KAZN: variants seen among roughly 807,000 people sequenced by gnomAD.
The protein encoded by KAZN is kazrin, periplakin interacting protein, also known as kazrin.
Under a neutral mutation model 87.4 loss-of-function variants are expected in KAZN, and 40 were observed. The observed-to-expected ratio is 0.46, with a 90% CI of 0.36 to 0.60. KAZN has a LOEUF of 0.60. KAZN is among the 20% of genes least tolerant of loss of function. The probability of loss-of-function intolerance (pLI) is 0.00; values close to 1 mark genes in which losing one functional copy is unlikely to be tolerated. For synonymous variants in KAZN, 466 were observed against 458.3 expected (o/e 1.02, Z -0.22); for missense variants, 898 against 1,073.9 (o/e 0.84, Z 2.29).
chr1:13,968,114 T>C (rs1642009694), intron 1 of KAZN, among the ~76,000 whole-genome samples: 1 of 152,118 alleles, frequency 6.6e-6, no homozygotes, highest in African/African-American at 2.4e-5. Context: ...TTTTAAATGG[T>C]TCCCAGGTGG....
At chr1:14,975,798 G>A (rs1323064876) in intron 2 of KAZN, among the ~76,000 whole-genome samples, 4 of 152,220 alleles carry the variant, frequency 2.6e-5, no homozygotes, top group Non-Finnish European at 5.9e-5. Context: ...GCGGGAGGCC[G>A]AGATGGGCGG....
At chr1:13,928,919 G>A (rs1055134030) in intron 1 of KAZN, among the ~76,000 whole-genome samples, 4 of 151,368 alleles carry the variant, frequency 2.6e-5, no homozygotes, top group Admixed American at 6.6e-5. Context: ...TCTTTGTTGT[G>A]TGCTCAAACA....
At position 14,148,087 on chromosome 1, in the gene KAZN, G is replaced by A. The variant is rs1645392815; in HGVS notation, c.92-32348G>A. Among the ~76,000 whole-genome samples, 4 of 151,752 alleles carry A rather than the reference G, an allele frequency of 2.6e-5. No homozygotes were observed. In the South Asian group the frequency reaches 8.4e-4, roughly 32 times the overall value. ...AATTTAAAAATTAGCCGGGTGTGGTGGCGGGCACCTGTGGTCCCAGCAGAT... is the reference window on the plus strand; with the variant it reads ...AATTTAAAAATTAGCCGGGTGTGGTAGCGGGCACCTGTGGTCCCAGCAGAT... On this transcript the variant is annotated intron_variant, in intron 1 of 16. Coordinates refer to the KAZN transcript ENST00000636203.
intron 2 of KAZN, among the ~76,000 whole-genome samples, chr1:14,536,075 G>A (rs909261417): frequency 6.6e-6 from 1 of 152,200 alleles, no homozygotes; most frequent in Non-Finnish European, 1.5e-5. Flanking sequence ...GCTGTACAGG[G>A]CCTCTCCAGT....
chr1:13,998,522 G>A (rs1639628872), intron 1 of KAZN, among the ~76,000 whole-genome samples: 1 of 152,034 alleles, frequency 6.6e-6, no homozygotes, highest in Non-Finnish European at 1.5e-5. Flanking sequence ...ATAAAGGGAT[G>A]GAGGAATATT....
chr1:14,160,359 T>A (rs1319652741), intron 1 of KAZN, among the ~76,000 whole-genome samples: 2 of 152,114 alleles, frequency 1.3e-5, no homozygotes, highest in African/African-American at 4.8e-5. Flanking sequence ...CAGCACTGAG[T>A]TCAATGCCTC....
intron 1 of KAZN, among the ~76,000 whole-genome samples, chr1:13,939,845 A>T (rs375857384): frequency 6.6e-6 from 1 of 152,130 alleles, no homozygotes; most frequent in African/African-American, 2.4e-5. Flanking sequence ...GGCACAAAAC[A>T]TGATGAGAGT....
intron 2 of KAZN, among the ~76,000 whole-genome samples, chr1:14,479,055 G>A (rs1174603559): frequency 1.3e-5 from 2 of 152,206 alleles, no homozygotes; most frequent in Admixed American, 6.5e-5. Context: ...CCATCTGAAG[G>A]ATTAGAAACT....
At chr1:15,093,260 CTG>C (rs1048911476) in intron 8 of KAZN, among the ~76,000 whole-genome samples, 2 of 152,008 alleles carry the variant, frequency 1.3e-5, no homozygotes, top group African/African-American at 4.8e-5. Context: ...GCAAGCGGGT[CTG>C]TGTGTGTTTG....
At chr1:14,546,794 G>A (rs1035136654) in intron 2 of KAZN, among the ~76,000 whole-genome samples, 3 of 152,144 alleles carry the variant, frequency 2.0e-5, no homozygotes, top group Non-Finnish European at 2.9e-5. Context: ...ATCAGCTGTG[G>A]CAAATCAACT....
At chr1:14,218,651 A>G (rs1571047943) in intron 2 of KAZN, among the ~76,000 whole-genome samples, 1 of 148,994 alleles carries the variant, frequency 6.7e-6, no homozygotes, top group Non-Finnish European at 1.5e-5. Context: ...ATATGTTTAA[A>G]TTTATGAATT....
chr1:14,133,715 C>T (rs1417725561), intron 1 of KAZN, among the ~76,000 whole-genome samples: 3 of 152,090 alleles, frequency 2.0e-5, no homozygotes, highest in Non-Finnish European at 2.9e-5. Flanking sequence ...GACTTGTGAC[C>T]TTGTCTTGGC....
chr1:14,552,594 G>C (rs767396139), intron 2 of KAZN, among the ~76,000 whole-genome samples: 1 of 152,166 alleles, frequency 6.6e-6, no homozygotes, highest in Non-Finnish European at 1.5e-5. Flanking sequence ...AAGGAGAAGG[G>C]GTTCTCTCCT....
At chr1:13,921,272 G>T (rs916243874) in intron 1 of KAZN, among the ~76,000 whole-genome samples, 2 of 152,128 alleles carry the variant, frequency 1.3e-5, no homozygotes, top group African/African-American at 4.8e-5. Flanking sequence ...ATCAAATCTA[G>T]TGCAGAGGTC....
At chr1:14,750,372 A>C (rs1572390225) in intron 1 of KAZN, among the ~76,000 whole-genome samples, 1 of 152,048 alleles carries the variant, frequency 6.6e-6, no homozygotes, top group Non-Finnish European at 1.5e-5. Flanking sequence ...TGAATAGGTC[A>C]CCCCATCCTG....
intron 1 of KAZN, among the ~76,000 whole-genome samples, chr1:14,900,306 C>T (rs1655721627): frequency 6.6e-6 from 1 of 152,180 alleles, no homozygotes; most frequent in African/African-American, 2.4e-5. Context: ...TTTTCAGATG[C>T]TTGCCAAGAG....
chr1:14,767,092 C>T (rs996109302), intron 1 of KAZN, among the ~76,000 whole-genome samples: 1 of 152,094 alleles, frequency 6.6e-6, no homozygotes, highest in African/African-American at 2.4e-5. Context: ...CGAATGGGTA[C>T]GCTTTCTGTG....
chr1:15,078,755 C>T (rs184023105), intron 8 of KAZN, among the ~76,000 whole-genome samples: 7 of 152,276 alleles, frequency 4.6e-5, no homozygotes, highest in Non-Finnish European at 5.9e-5. Context: ...GCTGCCGCTA[C>T]GGGACCTCCA....
At chr1:14,825,636 A>G (rs1646862284) in intron 1 of KAZN, among the ~76,000 whole-genome samples, 1 of 152,150 alleles carries the variant, frequency 6.6e-6, no homozygotes, top group Non-Finnish European at 1.5e-5. Context: ...CCAAGGACAC[A>G]TATCTAGTAA....
Sources: allele counts gnomAD v4.1 joint callset (sites outside exome capture counted in the v4.1 genomes callset), GRCh38; gene constraint gnomAD v4.1.1; transcripts MANE v1.5; gene names NCBI Gene and HGNC (gene_info 2026-07-23, HGNC 2026-07-21).